RAB27A: variants seen among roughly 807,000 people sequenced by gnomAD.
RAB27A encodes RAB27A, member RAS oncogene family, also known as ras-related protein Rab-27A.
A neutral mutation model predicts 20.8 loss-of-function variants in RAB27A; 17 were observed. That is an observed-to-expected ratio of 0.82 (90% CI 0.56 to 1.23). RAB27A has a LOEUF of 1.23. Ranked by LOEUF, RAB27A falls within the 50% of genes most tolerant of loss-of-function variation. The pLI, the probability that RAB27A is intolerant of heterozygous loss-of-function variation, is 0.00. For synonymous variants in RAB27A, 85 were observed against 92.8 expected, an observed-to-expected ratio of 0.92 and a Z score of 0.48; for missense variants, 277 against 266.7, an observed-to-expected ratio of 1.04 and a Z score of -0.27.
intron 2 of RAB27A, among the ~76,000 whole-genome samples, chr15:55,310,415 G>A (rs1160522770): frequency 1.3e-5 from 2 of 152,218 alleles, no homozygotes; most frequent in Non-Finnish European, 2.9e-5. Flanking sequence ...CATCTGGCTA[G>A]TGGCTTCTGA....
intron 2 of RAB27A, among the ~76,000 whole-genome samples, chr15:55,250,496 T>C (rs1896848840): frequency 2.0e-5 from 3 of 152,198 alleles, no homozygotes; most frequent in Admixed American, 1.3e-4. Flanking sequence ...AATTTGTCTA[T>C]TGTGAAATTA....
At chr15:55,304,721 G>A (rs890528432) in intron 2 of RAB27A, among the ~76,000 whole-genome samples, 15 of 151,952 alleles carry the variant, frequency 9.9e-5, no homozygotes, top group Non-Finnish European at 1.9e-4. Context: ...TCCATTATAC[G>A]GAAATACCAC....
At chr15:55,227,889 A>C (rs776225204) in intron 5 of RAB27A, among the ~76,000 whole-genome samples, 2 of 152,238 alleles carry the variant, frequency 1.3e-5, no homozygotes, top group African/African-American at 2.4e-5. Flanking sequence ...TTAATATTAC[A>C]GCCTTCCCTA....
chr15:55,222,570 T>C (rs1379008524), intron 6 of RAB27A, among the ~76,000 whole-genome samples: 1 of 152,142 alleles, frequency 6.6e-6, no homozygotes, highest in East Asian at 1.9e-4. Context: ...TTACCTGGTA[T>C]TCAAACCCCT....
intron 6 of RAB27A, among the ~76,000 whole-genome samples, chr15:55,209,773 T>G (rs1230641633): frequency 7.8e-6 from 1 of 128,714 alleles, no homozygotes; most frequent in Non-Finnish European, 1.6e-5. Flanking sequence ...TACATATACA[T>G]ATATACACAC....
At chr15:55,318,195 T>C (rs1403702011) in intron 1 of RAB27A, among the ~76,000 whole-genome samples, 3 of 150,932 alleles carry the variant, frequency 2.0e-5, no homozygotes, top group Admixed American at 2.0e-4. Flanking sequence ...CCTCCTCGGT[T>C]AACGCCATTC....
intron 1 of RAB27A, among the ~76,000 whole-genome samples, chr15:55,275,947 A>G (rs886526879): frequency 3.4e-5 from 5 of 148,938 alleles, no homozygotes; most frequent in African/African-American, 9.8e-5. Flanking sequence ...AAAACAAGAG[A>G]TAAGTGTTGG....
intron 5 of RAB27A, among the ~76,000 whole-genome samples, chr15:55,226,974 C>A (rs1895828496): frequency 6.6e-6 from 1 of 151,816 alleles, no homozygotes; most frequent in Non-Finnish European, 1.5e-5. Context: ...AATGTTTATT[C>A]CTAATTAAGA....
chr15:55,316,597 G>GC (rs1284008010), intron 1 of RAB27A, among the ~76,000 whole-genome samples: 2 of 148,658 alleles, frequency 1.3e-5, no homozygotes, highest in East Asian at 3.9e-4. Context: ...AAAAAAAAAA[G>GC]GAGAAAAAAA....
chr15:55,276,799 A>G (rs1897886307), intron 1 of RAB27A, among the ~76,000 whole-genome samples: 1 of 152,240 alleles, frequency 6.6e-6, no homozygotes. Context: ...AGATAGATCC[A>G]GTGTTAATTG....
Position 55,205,396 on chromosome 15 carries a change from G to T in RAB27A, c.*111C>A. The T allele has an allele frequency of 8.7e-7, 1 of 1,147,342 alleles. No homozygotes were observed. The highest frequency in any genetic ancestry group is 1.3e-6 in the Non-Finnish European group (1 of 758,146). 71.1% of individuals were successfully genotyped at this position (1,147,342 alleles called of 1,614,324 possible). ...TATTCGTAGGTCTAATGGGGATGGT[G>T]AGAAGCAATTTGTACACAATGCCCA... is the stretch of plus-strand genomic sequence containing the variant. On this transcript the variant is annotated 3_prime_UTR_variant, in exon 7 of 7. Transcript: ENST00000336787.
rs556239743 is a variant in RAB27A at position 55,312,037 on chromosome 15, G to A, written c.-112+2002C>T. Among the ~76,000 whole-genome samples the A allele has an allele frequency of 2.3e-3, 350 of 152,332 alleles. 2 individuals carry two copies. Among genetic ancestry groups the A allele is most frequent in the Non-Finnish European group, 3.6e-3 (247 of 68,026 alleles). ...GAGTGTTATAGCTCTATTAGAAGCC[G>A]TGGGTCACGGAAGAGAACCGTGGAA... is the stretch of plus-strand genomic sequence containing the variant. On this transcript the variant is annotated intron_variant, in intron 2 of 5. Coordinates refer to the RAB27A transcript ENST00000563262.
intron 2 of RAB27A, among the ~76,000 whole-genome samples, chr15:55,296,192 C>A (rs2054948557): frequency 6.6e-6 from 1 of 151,338 alleles, no homozygotes. Flanking sequence ...CCGTGCCCAG[C>A]CCCAGTACTT....
At position 55,223,988 on chromosome 15, in the gene RAB27A, C is replaced by T. The variant is rs1895697116; in HGVS notation, c.368G>A (p.Cys123Tyr). 6.3e-7 allele frequency: 1 copy of T among 1,594,450 alleles called. No individual in the cohort carries two copies. Among genetic ancestry groups the T allele is most frequent in the Non-Finnish European group, 8.6e-7 (1 of 1,162,264 alleles). ...WISQLQMHAY[C>Y]ENPDIVLCGN... Reference sequence around the variant, plus strand: ...ACACAGCACTATATCTGGGTTTTCACAATATGCATGCATCTGTAGCTGGCC... The same window carrying T: ...ACACAGCACTATATCTGGGTTTTCATAATATGCATGCATCTGTAGCTGGCC... The change falls in exon 6 of 7, where the codon TGT becomes TAT. Residue 123 changes from cysteine to tyrosine, a missense_variant. Coordinates refer to ENST00000336787, the MANE Select transcript of RAB27A (RefSeq NM_183235.3).
chr15:55,308,361 ATACT>A (rs2055006862), intron 2 of RAB27A, among the ~76,000 whole-genome samples: 1 of 152,330 alleles, frequency 6.6e-6, no homozygotes, highest in Non-Finnish European at 1.5e-5. Flanking sequence ...CTAGGTAAGC[ATACT>A]TAGAGTCTGT....
chr15:55,279,439 A>T (rs1041940539), intron 1 of RAB27A, among the ~76,000 whole-genome samples: 20 of 152,216 alleles, frequency 1.3e-4, no homozygotes, highest in Non-Finnish European at 2.9e-4. Flanking sequence ...ATCTGCATTT[A>T]TATCAAGCTT....
chr15:55,274,794 TTATATATATATATATATA>T (rs371945954), intron 1 of RAB27A, among the ~76,000 whole-genome samples: 26 of 52,174 alleles, frequency 5.0e-4, no homozygotes, highest in Non-Finnish European at 9.1e-4. Context: ...AATAAATAAA[TTATATATATATATATATA>T]TATATATATA....
chr15:55,270,806 A>G (rs1897682950), intron 1 of RAB27A: 1 of 152,146 alleles, frequency 6.6e-6, no homozygotes, highest in African/African-American at 2.4e-5. Flanking sequence ...CCTACAAGGG[A>G]GTCCACCCAG....
At chr15:55,298,446 G>A (rs1272958363) in intron 2 of RAB27A, among the ~76,000 whole-genome samples, 1 of 152,094 alleles carries the variant, frequency 6.6e-6, no homozygotes, top group Non-Finnish European at 1.5e-5. Flanking sequence ...AAAAGGGGAG[G>A]GAGTGTGTGA....
Sources: allele counts gnomAD v4.1 joint callset (sites outside exome capture counted in the v4.1 genomes callset), GRCh38; gene constraint gnomAD v4.1.1; transcripts MANE v1.5; gene names NCBI Gene and HGNC (gene_info 2026-07-23, HGNC 2026-07-21).